PLEKHG1: variants seen among roughly 807,000 people sequenced by gnomAD.
PLEKHG1 encodes the protein pleckstrin homology domain-containing family G member 1.
Under a neutral mutation model 100.8 loss-of-function variants are expected in PLEKHG1, and 44 were observed. The observed-to-expected ratio is 0.44, with a 90% CI of 0.34 to 0.56. The LOEUF (loss-of-function observed/expected upper bound fraction) is 0.56, where lower values mean the gene tolerates loss of function less well. Ranked by LOEUF, PLEKHG1 falls within the 20% of genes least tolerant of loss-of-function variation. The pLI, the probability that PLEKHG1 is intolerant of heterozygous loss-of-function variation, is 0.01. For missense variants in PLEKHG1, 1,545 were observed against 1,720.9 expected (o/e 0.90, Z 1.81); for synonymous variants, 640 against 662.5 (o/e 0.97, Z 0.52).
intron 1 of PLEKHG1, among the ~76,000 whole-genome samples, chr6:150,623,838 G>A (rs1449438332): frequency 6.6e-6 from 1 of 152,194 alleles, no homozygotes; most frequent in African/African-American, 2.4e-5. Context: ...GGAGGTCACT[G>A]TGCATGTGTA....
intron 3 of PLEKHG1, among the ~76,000 whole-genome samples, 186 bp from the exon 5 acceptor site, chr6:150,786,204 T>C (rs561396404): frequency 1.7e-4 from 26 of 152,328 alleles, no homozygotes; most frequent in African/African-American, 6.0e-4. Context: ...TTTAATCCCC[T>C]GCTCCACCAT....
intron 2 of PLEKHG1, among the ~76,000 whole-genome samples, chr6:150,753,260 G>A (rs1190788622): frequency 6.6e-6 from 1 of 152,110 alleles, no homozygotes; most frequent in Non-Finnish European, 1.5e-5. Context: ...GCAGGATCTC[G>A]CTGGGGCAGA....
chr6:150,811,099 G>A (rs1232181054), intron 10 of PLEKHG1, among the ~76,000 whole-genome samples: 6 of 152,046 alleles, frequency 3.9e-5, no homozygotes, highest in East Asian at 3.9e-4. Flanking sequence ...ATACAGATTC[G>A]GCCAAGAAGG....
At chr6:150,837,684 G>T (rs1451732233) in intron 15 of PLEKHG1, among the ~76,000 whole-genome samples, 2 of 152,224 alleles carry the variant, frequency 1.3e-5, no homozygotes, top group Non-Finnish European at 2.9e-5. Flanking sequence ...TTTCAGGCAG[G>T]TCTGCTAACT....
chr6:150,619,688 G>T (rs761302115), intron 1 of PLEKHG1, among the ~76,000 whole-genome samples: 1 of 152,136 alleles, frequency 6.6e-6, no homozygotes, highest in Non-Finnish European at 1.5e-5. Flanking sequence ...AAGTACAGGG[G>T]TAAAGAAAAT....
chr6:150,743,173 T>C (rs971800590), intron 2 of PLEKHG1, among the ~76,000 whole-genome samples: 1 of 152,166 alleles, frequency 6.6e-6, no homozygotes, highest in Non-Finnish European at 1.5e-5. Flanking sequence ...GCCATTCTCA[T>C]TGTAAAACCT....
intron 3 of PLEKHG1, among the ~76,000 whole-genome samples, chr6:150,684,877 A>G (rs1277849397): frequency 2.0e-5 from 3 of 152,070 alleles, no homozygotes; most frequent in Admixed American, 2.0e-4. Flanking sequence ...GTTCACCCGC[A>G]GCAGGTCCGG....
exon 7 of PLEKHG1, chr6:150,804,728 C>T (rs763688156): frequency 5.0e-6 from 8 of 1,613,472 alleles, no homozygotes; most frequent in Non-Finnish European, 5.9e-6. Context: ...CACGAGCACG[C>T]GGTCCGGTTA....
At chr6:150,806,031 G>A (rs995384330) in intron 7 of PLEKHG1, among the ~76,000 whole-genome samples, 1 of 152,106 alleles carries the variant, frequency 6.6e-6, no homozygotes, top group Non-Finnish European at 1.5e-5. Flanking sequence ...TGTCCCTAGA[G>A]TGAGATGGAA....
At chr6:150,643,771 A>G (rs756921956) in intron 2 of PLEKHG1, among the ~76,000 whole-genome samples, 25 of 152,208 alleles carry the variant, frequency 1.6e-4, no homozygotes, top group Non-Finnish European at 2.5e-4. Flanking sequence ...ATTGAATCAA[A>G]TGATGAGTAA....
In PLEKHG1 at chr6:150,823,631, G is replaced by GA. The variant is rs370395085; in HGVS notation, c.1448-15dup. ...GAGGTACATTTTCATTCTCAAACTT[G>GA]AAAAAAAACTTTTATTTTTCAGAAA... On this transcript the variant is annotated intron_variant, in intron 13 of 15. Transcript: ENST00000358517. 4,700 of 1,564,814 alleles carry GA rather than the reference G, an allele frequency of 3.0e-3. 29 individuals carry two copies. The highest frequency in any genetic ancestry group is 0.028 in the Middle Eastern group (168 of 5,950).
chr6:150,772,481 A>G (rs115137825), intron 3 of PLEKHG1, among the ~76,000 whole-genome samples: 1 of 152,248 alleles, frequency 6.6e-6, no homozygotes, highest in African/African-American at 2.4e-5. Context: ...TTAGCAGGAC[A>G]TGATGGCACA....
intron 1 of PLEKHG1, among the ~76,000 whole-genome samples, chr6:150,623,440 T>C (rs1335040562): frequency 6.6e-6 from 1 of 152,160 alleles, no homozygotes; most frequent in Non-Finnish European, 1.5e-5. Flanking sequence ...GCCTTTTATG[T>C]GTCAGGCGGC....
chr6:150,695,712 G>T (rs1780517081), intron 3 of PLEKHG1, among the ~76,000 whole-genome samples: 1 of 152,080 alleles, frequency 6.6e-6, no homozygotes, highest in South Asian at 2.1e-4. Flanking sequence ...AAAGTCAAAA[G>T]AAAAACAAAC....
At chr6:150,610,332 C>T (rs1562380721) in intron 1 of PLEKHG1, among the ~76,000 whole-genome samples, 1 of 152,224 alleles carries the variant, frequency 6.6e-6, no homozygotes, top group Non-Finnish European at 1.5e-5. Flanking sequence ...GAACTCCCGA[C>T]CTTAAGTGAT....
At position 150,818,167 on chromosome 6, in the gene PLEKHG1, A is replaced by C; in HGVS notation, c.1279-16A>C. On this transcript the variant is annotated splice_polypyrimidine_tract_variant and intron_variant, in intron 10 of 15. Coordinates refer to ENST00000358517, the Ensembl canonical transcript of PLEKHG1. ...AAAAAGCAATTGGAATTACAGCTCT[A>C]CTTTCTCTCTTTCAGGCCAAGCAAG... The C allele has an allele frequency of 5.0e-6, 8 of 1,602,010 alleles. No homozygotes were observed. Among genetic ancestry groups the C allele is most frequent in the Non-Finnish European group, 6.8e-6 (8 of 1,169,958 alleles).
chr6:150,704,810 G>A (rs1780938509), intron 3 of PLEKHG1, among the ~76,000 whole-genome samples: 1 of 152,244 alleles, frequency 6.6e-6, no homozygotes, highest in Non-Finnish European at 1.5e-5. Flanking sequence ...CCAAGATCAA[G>A]GTGCTAGTGG....
chr6:150,630,281 C>A (rs938786229), intron 1 of PLEKHG1, among the ~76,000 whole-genome samples: 1 of 152,134 alleles, frequency 6.6e-6, no homozygotes, highest in African/African-American at 2.4e-5. Context: ...AGCTTCTTTG[C>A]GGAGAATCAG....
intron 1 of PLEKHG1, among the ~76,000 whole-genome samples, chr6:150,607,517 G>A (rs1342544327): frequency 6.6e-6 from 1 of 152,168 alleles, no homozygotes; most frequent in Non-Finnish European, 1.5e-5. Flanking sequence ...CAAAGGGGAG[G>A]ATATGGTTGT....
Sources: allele counts gnomAD v4.1 joint callset (sites outside exome capture counted in the v4.1 genomes callset), GRCh38; gene constraint gnomAD v4.1.1; transcripts MANE v1.5; gene names NCBI Gene and HGNC (gene_info 2026-07-23, HGNC 2026-07-21).